The following ZNF330 variants were observed in gnomAD, a reference collection of about 807,000 sequenced individuals.
ZNF330 encodes the protein zinc finger protein 330.
ZNF330 carries 31 observed loss-of-function variants against 45.5 expected under a neutral mutation model. The ratio of observed to expected loss-of-function variants is 0.68; its 90% CI spans 0.51 to 0.92. ZNF330 has a LOEUF of 0.92. Ranked by LOEUF, ZNF330 falls within the 40% of genes least tolerant of loss-of-function variation. The pLI is 0.00. For missense variants in ZNF330, 356 were observed against 387.4 expected (o/e 0.92, Z 0.68); for synonymous variants, 138 against 123.2 (o/e 1.12, Z -0.79).
rs184582278 is a variant in ZNF330, at chr4:141,228,330, A to G, written c.292-1241A>G. Among the ~76,000 whole-genome samples, 3 of 152,284 alleles carry G rather than the reference A, an allele frequency of 2.0e-5. No homozygotes were observed. The East Asian group carries it at 5.8e-4, about 29-fold the overall frequency. ...TCTTACATAAAGAAAACATTTAAGT[A>G]GAGTCATATATCTTTAGTTGTAAAT... On this transcript the variant is annotated intron_variant, in intron 5 of 9. Transcript: ENST00000262990.
At chr4:141,221,131 G>T (rs1205010791) in intron 1 of ZNF330, 23 bp downstream of exon 1, 1 of 152,282 alleles carries the variant, frequency 6.6e-6, no homozygotes, top group Non-Finnish European at 1.5e-5. Flanking sequence ...GCGGGCGGGT[G>T]ACGGTTGCGG....
chr4:141,222,672 A>G, intron 2 of ZNF330, 181 bp downstream of exon 2: 1 of 540,558 alleles, frequency 1.8e-6, no homozygotes, highest in South Asian at 2.8e-5. Context: ...TGGATTTTAT[A>G]TTATTATAAA....
chr4:141,226,935 T>C, intron 5 of ZNF330, 89 bp downstream of exon 5: 1 of 1,048,780 alleles, frequency 9.5e-7, no homozygotes. Flanking sequence ...CTAAATATCA[T>C]TGCTTTGTCC....
In ZNF330 at chr4:141,224,642, A is replaced by G; in HGVS notation, c.176A>G (p.Asn59Ser). 6.2e-7 allele frequency: 1 copy of G among 1,613,590 alleles called. No individual in the cohort carries two copies. Among genetic ancestry groups the G allele is most frequent in the Non-Finnish European group, 8.5e-7 (1 of 1,179,654 alleles). Residue 59 changes from asparagine (N) to serine (S), a missense_variant, in exon 4 of 10, where the codon AAT (asparagine) becomes AGT (serine). Coordinates refer to ENST00000262990, the MANE Select transcript of ZNF330 (RefSeq NM_014487.6). ...AATAGAGCATTTTGCTACTTTTGTA[A>G]TTCTGTACAGAAGTTACCAATTTGT... The part of the protein sequence containing the change: ...QKNRAFCYFC[N>S]SVQKLPICAQ...
In ZNF330 at chr4:141,224,516, ATTTC is replaced by A. The variant is rs1728754586; in HGVS notation, c.140+14_140+17del. 7.5e-6 allele frequency: 12 copies of A among 1,606,444 alleles called. No individual in the cohort carries two copies. The highest frequency in any genetic ancestry group is 1.0e-5 in the Non-Finnish European group (12 of 1,174,044). On this transcript the variant is annotated intron_variant, in intron 3 of 9. Transcript: ENST00000262990. ...GTGACAAGTGTCAGAGGTAAATTTT[ATTTC>A]TTTTTCTATCTACCTTTAATAAAAT...
chr4:141,224,686 G>T lies in ZNF330; in HGVS notation c.211+9G>T. On this transcript the variant is annotated intron_variant, in intron 4 of 9. Transcript: ENST00000262990. ...AATTTGTGCACAGTGTGGTAAGTTT[G>T]TAATAATTAAGGACATATGCTTTTT... 6.2e-7 allele frequency: 1 copy of T among 1,611,050 alleles called. No individual in the cohort carries two copies. The highest frequency in any genetic ancestry group is 1.1e-5 in the South Asian group (1 of 90,400).
chr4:141,234,078 G>C lies in ZNF330; in HGVS notation c.*89G>C. On this transcript the variant is annotated 3_prime_UTR_variant, in exon 10 of 10. Coordinates refer to ENST00000262990, the MANE Select transcript of ZNF330 (RefSeq NM_014487.6). ...TGTGTGGTTGTTCAAAAGTACCTTA[G>C]CCACTTAGCCTTGTGCAGAAGACTA... 6.6e-7 allele frequency: 1 copy of C among 1,511,780 alleles called. No homozygotes were observed. Among genetic ancestry groups the C allele is most frequent in the African/African-American group, 1.4e-5 (1 of 72,108 alleles). 93.6% of individuals were successfully genotyped at this position (1,511,780 alleles called of 1,614,324 possible).
Position 141,232,517 on chromosome 4 carries a change from C to T in ZNF330, c.571-8C>T. The T allele has an allele frequency of 1.3e-6, 2 of 1,497,382 alleles. No individual in the cohort carries two copies. Among genetic ancestry groups the T allele is most frequent in the Non-Finnish European group, 1.8e-6 (2 of 1,112,788 alleles). 92.8% of individuals were successfully genotyped at this position (1,497,382 alleles called of 1,614,324 possible). ...ATTTATTTACTTTATTTTGCTTCTC[C>T]TATACAGGCTTGTTTCTGTGATGAT... On this transcript the variant is annotated splice_polypyrimidine_tract_variant and splice_region_variant and intron_variant, in intron 8 of 9. Transcript: ENST00000262990.
intron 7 of ZNF330, among the ~76,000 whole-genome samples, chr4:141,230,704 T>C (rs1242814733): frequency 6.6e-6 from 1 of 152,102 alleles, no homozygotes; most frequent in African/African-American, 2.4e-5. Flanking sequence ...AAAATACCTG[T>C]GGAGGTTTTA....
chr4:141,233,780 G>A lies in ZNF330; in HGVS notation c.754G>A (p.Ala252Thr), dbSNP rs749748650. ...EEGDGASGYD[A>T]YWKNLSSDKY... is the part of the protein sequence containing the mutation. ...GGGAGATGGAGCTTCTGGGTATGAT[G>A]CTTATTGGAAGAACCTTTCATCTGA... The change falls in exon 10 of 10, where the codon GCT (alanine) becomes ACT (threonine). Residue 252 changes from alanine to threonine, a missense_variant. Ala to Thr is a moderately conservative substitution (Grantham distance 58). Transcript: ENST00000262990. The A allele has an allele frequency of 6.2e-7, 1 of 1,613,656 alleles. No homozygotes were observed. The highest frequency in any genetic ancestry group is 8.5e-7 in the Non-Finnish European group (1 of 1,179,752).
chr4:141,225,898 T>C (rs1284675778), intron 4 of ZNF330, among the ~76,000 whole-genome samples: 1 of 152,078 alleles, frequency 6.6e-6, no homozygotes, highest in African/African-American at 2.4e-5. Context: ...TCTCATTTAC[T>C]GATTCTTAGT....
chr4:141,233,866 T>C lies in ZNF330; in HGVS notation c.840T>C (p.Asp280=). 2.5e-6 allele frequency: 4 copies of C among 1,613,574 alleles called. No individual in the cohort carries two copies. The change falls in exon 10 of 10, where the codon GAT becomes GAC. Residue 280 remains aspartate, a synonymous_variant. Transcript: ENST00000262990. ...EEEDEYEAED[D]EEEEDEGRKD... is the part of the protein sequence containing the mutation. ...AGGATGAGTATGAAGCAGAGGATGA[T>C]GAAGAGGAAGAAGATGAAGGCAGAA...
In ZNF330 at chr4:141,226,153, C is replaced by T. The variant is rs1728797811; in HGVS notation, c.212-614C>T. 2.0e-5 allele frequency among the ~76,000 whole-genome samples: 3 copies of T among 152,032 alleles called. No individual in the cohort carries two copies. The South Asian group carries it at 6.2e-4, about 31-fold the overall frequency. ...TGCTTCTAGATCAGAGGTTTAGTGG[C>T]TGTGTGGTGATTTGTAGCTGTATCA... On this transcript the variant is annotated intron_variant, in intron 4 of 9. Coordinates refer to ENST00000262990, the MANE Select transcript of ZNF330 (RefSeq NM_014487.6).
At position 141,230,198 on chromosome 4, in the gene ZNF330, A is replaced by G; in HGVS notation, c.451A>G (p.Asn151Asp). Reference protein sequence around the residue: ...GRIFSCSFCHNFLCEDDQFEH... With the variant: ...GRIFSCSFCHDFLCEDDQFEH... ...AATATTCAGTTGTTCTTTTTGCCAT[A>G]ACTTTCTCTGTGAAGATGATCAATT... Residue 151 changes from asparagine (N) to aspartate (D), a missense_variant, in exon 7 of 10, where the codon AAC becomes GAC. Physicochemically the swap from Asn to Asp is conservative, Grantham distance 23 (BLOSUM62 1). Transcript: ENST00000262990. 1 of 1,611,256 alleles carries G rather than the reference A, an allele frequency of 6.2e-7. No individual in the cohort carries two copies. The highest frequency in any genetic ancestry group is 8.5e-7 in the Non-Finnish European group (1 of 1,178,526).
In ZNF330 at chr4:141,229,634, G is replaced by T. The variant is rs1374045316; in HGVS notation, c.355G>T (p.Ala119Ser). The change falls in exon 6 of 10, where the codon GCT becomes TCT. Residue 119 changes from alanine (A) to serine (S), a missense_variant. Transcript: ENST00000262990. ...CHGRKCLSTH[A>S]CACPLTDAEC... The stretch of plus-strand genomic sequence containing the variant: ...TGGTAGGAAATGTCTCAGTACACAT[G>T]CTTGTGCCTGCCCTCTTACCGATGC... 6.2e-7 allele frequency: 1 copy of T among 1,613,234 alleles called. No individual in the cohort carries two copies. Among genetic ancestry groups the T allele is most frequent in the East Asian group, 2.2e-5 (1 of 44,868 alleles).
intron 2 of ZNF330, chr4:141,222,707 G>C (rs1166338670): frequency 2.8e-6 from 1 of 361,096 alleles, no homozygotes; most frequent in East Asian, 4.5e-5. Context: ...TTTACATACT[G>C]TTGGTGATAA....
At chr4:141,224,380 G>A (rs1310330768) in intron 2 of ZNF330, 107 bp from the exon 3 acceptor site, 5 of 1,014,206 alleles carry the variant, frequency 4.9e-6, no homozygotes, top group Middle Eastern at 6.5e-4. Context: ...CTTTGGTGTA[G>A]TGTCACTTAA....
Position 141,222,359 on chromosome 4 carries a change from A to G in ZNF330, c.-6-7A>G. On this transcript the variant is annotated splice_polypyrimidine_tract_variant and splice_region_variant and intron_variant, in intron 1 of 9. Transcript: ENST00000262990. The stretch of plus-strand genomic sequence containing the variant: ...TATATCTTTTCTGTTCTCTTGTGTC[A>G]AAATAGGGGAAAATGCCTAAAAAAA... 1 of 1,611,380 alleles carries G rather than the reference A, an allele frequency of 6.2e-7. No homozygotes were observed. Among genetic ancestry groups the G allele is most frequent in the Non-Finnish European group, 8.5e-7 (1 of 1,178,994 alleles).
At chr4:141,230,298 T>C in intron 7 of ZNF330, 28 bp downstream of exon 7, 1 of 1,394,006 alleles carries the variant, frequency 7.2e-7, no homozygotes, top group Non-Finnish European at 1.0e-6. Context: ...AGATGTTCTT[T>C]ATACCCAAGA....
Sources: gnomAD v4.1 joint callset for allele counts (sites outside exome capture counted in the v4.1 genomes callset) on GRCh38, gnomAD v4.1.1 for gene constraint, MANE v1.5 for transcripts, NCBI Gene and HGNC (gene_info 2026-07-23, HGNC 2026-07-21) for gene names.